The following KLHL13 variants were observed in gnomAD, a reference collection of about 807,000 sequenced individuals.
KLHL13 encodes the protein kelch-like protein 13.
In KLHL13, 10 loss-of-function variants were observed where a neutral mutation model predicts 37.1. The ratio of observed to expected loss-of-function variants is 0.27; its 90% CI spans 0.17 to 0.46. The LOEUF is 0.46. KLHL13 is among the 20% of genes least tolerant of loss of function. KLHL13 has a pLI of 1.00. For synonymous variants in KLHL13, 163 were observed against 181.2 expected (o/e 0.90, Z 0.81); for missense variants, 360 against 509.3 (o/e 0.71, Z 2.82).
At chrX:117,947,745 C>G (rs1421427905) in intron 1 of KLHL13, 1 of 111,604 alleles carries the variant, frequency 9.0e-6, no homozygotes, top group Non-Finnish European at 1.9e-5. Flanking sequence ...CTAATTTCTG[C>G]TTTGGTAACA....
At chrX:118,048,090 G>C (rs2054577773) in intron 1 of KLHL13, among the ~76,000 whole-genome samples, 1 of 111,309 alleles carries the variant, frequency 9.0e-6, no homozygotes, top group Non-Finnish European at 1.9e-5. Context: ...TTAAGAATTA[G>C]AAGGGAGAGA....
At chrX:117,999,724 T>A (rs1360863266) in intron 1 of KLHL13, among the ~76,000 whole-genome samples, 1 of 110,288 alleles carries the variant, frequency 9.1e-6, no homozygotes, top group Non-Finnish European at 1.9e-5. Context: ...AATAAATAAA[T>A]AAATAAATAG....
intron 1 of KLHL13, among the ~76,000 whole-genome samples, chrX:117,958,320 A>C (rs1038809068): frequency 1.4e-4 from 16 of 111,033 alleles, no homozygotes; most frequent in Non-Finnish European, 2.8e-4. Flanking sequence ...CAATTATAAC[A>C]ATATACTTTA....
intron 1 of KLHL13, among the ~76,000 whole-genome samples, chrX:118,073,065 A>G (rs1176288141): frequency 9.3e-6 from 1 of 107,910 alleles, no homozygotes; most frequent in Non-Finnish European, 1.9e-5. Context: ...CTGCACTATC[A>G]CCTGGGTTAC....
At chrX:117,930,242 GAGGAAGGAAGGAAGGA>G (rs757311737) in intron 2 of KLHL13, among the ~76,000 whole-genome samples, 17 of 62,988 alleles carry the variant, frequency 2.7e-4, no homozygotes, top group East Asian at 1.9e-3. Flanking sequence ...GGAAGGAAGG[GAGGAAGGAAGGAAGGA>G]AGGAAGGAAG....
chrX:118,114,293 G>A (rs1055990837), intron 1 of KLHL13, among the ~76,000 whole-genome samples: 12 of 112,252 alleles, frequency 1.1e-4, no homozygotes, highest in African/African-American at 3.9e-4. Context: ...AGTAAGTGCA[G>A]TTACATTTAG....
At chrX:117,955,751 A>T (rs969100812) in intron 1 of KLHL13, among the ~76,000 whole-genome samples, 4 of 111,648 alleles carry the variant, frequency 3.6e-5, no homozygotes, top group African/African-American at 9.7e-5. Context: ...TTTTCTGCAT[A>T]TCTGCCTCAC....
At chrX:118,084,048 A>C (rs182817667) in intron 1 of KLHL13, among the ~76,000 whole-genome samples, 1 of 111,885 alleles carries the variant, frequency 8.9e-6, no homozygotes, top group East Asian at 2.8e-4. Flanking sequence ...GGGTTGTTGT[A>C]GTGGCTCATG....
chrX:118,031,524 T>C (rs773181382), intron 1 of KLHL13, among the ~76,000 whole-genome samples: 8 of 90,748 alleles, frequency 8.8e-5, no homozygotes, highest in Admixed American at 3.8e-4. Context: ...CACATATATA[T>C]TTAGTTATAT....
chrX:117,943,758 C>A (rs1191315101), intron 2 of KLHL13, among the ~76,000 whole-genome samples: 1 of 109,430 alleles, frequency 9.1e-6, no homozygotes, highest in Admixed American at 9.9e-5. Flanking sequence ...AGCTTCCTTG[C>A]ATTGGGTTAG....
At chrX:118,010,664 G>A (rs1328913073) in intron 1 of KLHL13, among the ~76,000 whole-genome samples, 3 of 93,823 alleles carry the variant, frequency 3.2e-5, no homozygotes, top group Non-Finnish European at 6.4e-5. Context: ...TGGGTGCAGC[G>A]CACCAGCATG....
At chrX:117,928,436 T>C (rs1405046799) in intron 2 of KLHL13, among the ~76,000 whole-genome samples, 1 of 111,706 alleles carries the variant, frequency 9.0e-6, no homozygotes, top group Non-Finnish European at 1.9e-5. Context: ...ATTTACAAGA[T>C]AGATCATATT....
intron 1 of KLHL13, among the ~76,000 whole-genome samples, chrX:118,045,920 G>C (rs1422932427): frequency 1.8e-5 from 2 of 112,208 alleles, no homozygotes; most frequent in Non-Finnish European, 3.8e-5. Context: ...TAGATAAAAG[G>C]AAACCCTTGT....
At chrX:118,110,671 C>T (rs1033359249) in intron 1 of KLHL13, among the ~76,000 whole-genome samples, 4 of 111,313 alleles carry the variant, frequency 3.6e-5, no homozygotes, top group Admixed American at 9.5e-5. Context: ...GCCACCATGC[C>T]CGGCCTTCTC....
At chrX:117,917,411 T>C (rs1190674024) in intron 4 of KLHL13, among the ~76,000 whole-genome samples, 2 of 81,193 alleles carry the variant, frequency 2.5e-5, no homozygotes, top group Non-Finnish European at 4.5e-5. Flanking sequence ...CTGCAAAGGA[T>C]GCAAAAAAAA....
chrX:117,955,349 A>G (rs900838778), intron 1 of KLHL13, among the ~76,000 whole-genome samples: 1 of 111,404 alleles, frequency 9.0e-6, no homozygotes, highest in African/African-American at 3.3e-5. Flanking sequence ...ACATGAAAAA[A>G]CCTAAGAGTA....
intron 1 of KLHL13, among the ~76,000 whole-genome samples, chrX:118,000,004 T>C (rs1330776291): frequency 8.9e-6 from 1 of 112,252 alleles, no homozygotes; most frequent in Middle Eastern, 4.2e-3. Context: ...TTTTATATGC[T>C]AATGTGATCT....
chrX:118,072,714 T>A (rs984178300), intron 1 of KLHL13, among the ~76,000 whole-genome samples: 2 of 112,357 alleles, frequency 1.8e-5, no homozygotes, highest in Non-Finnish European at 3.8e-5. Context: ...AGTTTTGCTT[T>A]ATGTATTCTG....
intron 1 of KLHL13, among the ~76,000 whole-genome samples, chrX:118,014,901 T>A (rs1178323336): frequency 8.9e-6 from 1 of 111,757 alleles, no homozygotes; most frequent in Non-Finnish European, 1.9e-5. Context: ...TCTTTACTGA[T>A]GTCAAAATAT....
Sources: allele counts gnomAD v4.1 joint callset (sites outside exome capture counted in the v4.1 genomes callset), GRCh38; gene constraint gnomAD v4.1.1; transcripts MANE v1.5; gene names NCBI Gene and HGNC (gene_info 2026-07-23, HGNC 2026-07-21).